Variants in ANKS1B observed in about 807,000 individuals in gnomAD.
ANKS1B encodes the protein ankyrin repeat and sterile alpha motif domain-containing protein 1B.
In ANKS1B, 36 loss-of-function variants were observed where a neutral mutation model predicts 148.3. The ratio of observed to expected loss-of-function variants is 0.24; its 90% CI spans 0.19 to 0.32. The LOEUF (loss-of-function observed/expected upper bound fraction) is 0.32, where lower values mean the gene tolerates loss of function less well. Ranked by LOEUF, ANKS1B falls within the 10% of genes least tolerant of loss-of-function variation. The pLI, the probability that ANKS1B is intolerant of heterozygous loss-of-function variation, is 1.00. For synonymous variants in ANKS1B, 542 were observed against 560.8 expected (o/e 0.97, Z 0.47); for missense variants, 1,157 against 1,542.6 (o/e 0.75, Z 4.19).
chr12:98,826,148 T>A (rs1214897945), intron 19 of ANKS1B, among the ~76,000 whole-genome samples: 1 of 152,236 alleles, frequency 6.6e-6, no homozygotes, highest in East Asian at 1.9e-4. Flanking sequence ...TGTATTTATA[T>A]CATTACATTC....
chr12:99,573,634 C>T (rs1014423690), intron 9 of ANKS1B, among the ~76,000 whole-genome samples: 2 of 151,978 alleles, frequency 1.3e-5, no homozygotes, highest in African/African-American at 4.8e-5. Context: ...TTTATGATGA[C>T]TATTTCAGAC....
chr12:99,831,349 G>A (rs904800295), intron 1 of ANKS1B, among the ~76,000 whole-genome samples: 2 of 151,980 alleles, frequency 1.3e-5, no homozygotes, highest in Non-Finnish European at 2.9e-5. Flanking sequence ...TGGTGAAAAT[G>A]TAAATTGGTA....
At chr12:98,955,904 T>C (rs916876887) in intron 17 of ANKS1B, among the ~76,000 whole-genome samples, 3 of 152,226 alleles carry the variant, frequency 2.0e-5, no homozygotes, top group African/African-American at 7.2e-5. Flanking sequence ...CTTAATCAAG[T>C]GTTTAACTCC....
chr12:99,085,478 A>AT (rs1382702184), intron 15 of ANKS1B, among the ~76,000 whole-genome samples: 1 of 152,162 alleles, frequency 6.6e-6, no homozygotes, highest in African/African-American at 2.4e-5. Flanking sequence ...TGAATGAATC[A>AT]TTTTTCCCCC....
intron 12 of ANKS1B, among the ~76,000 whole-genome samples, chr12:99,358,121 T>C (rs2092179552): frequency 6.6e-6 from 1 of 152,124 alleles, no homozygotes; most frequent in Admixed American, 6.6e-5. Flanking sequence ...TTAATTTTTA[T>C]ATAGGTTAAC....
intron 9 of ANKS1B, among the ~76,000 whole-genome samples, chr12:99,636,176 TTC>T (rs1672782741): frequency 6.6e-6 from 1 of 152,148 alleles, no homozygotes; most frequent in South Asian, 2.1e-4. Context: ...GAATATAGAA[TTC>T]TGTTTGGTCT....
intron 14 of ANKS1B, among the ~76,000 whole-genome samples, chr12:99,241,057 T>C (rs775156575): frequency 9.2e-5 from 14 of 151,880 alleles, no homozygotes; most frequent in African/African-American, 1.7e-4. Flanking sequence ...CAGAGCAGAA[T>C]TGAAGGAGAT....
intron 4 of ANKS1B, 28 bp downstream of exon 4, chr12:99,806,376 T>C: frequency 6.2e-7 from 1 of 1,609,622 alleles, no homozygotes; most frequent in Non-Finnish European, 8.5e-7. Flanking sequence ...CATCATCACT[T>C]TTAAAGCATA....
chr12:99,408,838 G>C lies in ANKS1B; in HGVS notation c.1576-9027C>G, dbSNP rs1019060651. Reference sequence around the variant, plus strand: ...CAGTTAAAATGGCTTTTATCCAAAAGACAGGCAACGACAAATGCTGGCAAG... The same window carrying C: ...CAGTTAAAATGGCTTTTATCCAAAACACAGGCAACGACAAATGCTGGCAAG... On this transcript the variant is annotated intron_variant, in intron 11 of 26. Transcript: ENST00000683438. Among the ~76,000 whole-genome samples the C allele has an allele frequency of 1.2e-4, 18 of 145,626 alleles. 1 individual carries two copies. The highest frequency in any genetic ancestry group is 3.9e-4 in the African/African-American group (15 of 38,278).
chr12:99,330,270 C>T (rs2087248826), intron 12 of ANKS1B, among the ~76,000 whole-genome samples: 1 of 151,930 alleles, frequency 6.6e-6, no homozygotes, highest in Non-Finnish European at 1.5e-5. Flanking sequence ...GAGTTAATGT[C>T]TTATTTCTAA....
chr12:99,942,810 T>G (rs1420861744), intron 1 of ANKS1B, among the ~76,000 whole-genome samples: 1 of 151,958 alleles, frequency 6.6e-6, no homozygotes, highest in African/African-American at 2.4e-5. Context: ...AAAGGAAGAA[T>G]ACAGTGGACA....
chr12:99,310,089 T>C (rs953636155), intron 12 of ANKS1B, among the ~76,000 whole-genome samples: 9 of 152,204 alleles, frequency 5.9e-5, no homozygotes, highest in African/African-American at 2.2e-4. Flanking sequence ...ATCATGGATC[T>C]GATTTAAGAG....
At chr12:99,935,488 C>T (rs988560367) in intron 1 of ANKS1B, among the ~76,000 whole-genome samples, 1 of 152,062 alleles carries the variant, frequency 6.6e-6, no homozygotes, top group Non-Finnish European at 1.5e-5. Flanking sequence ...TCAAAATGTC[C>T]ACCAAGACTA....
At chr12:99,535,124 C>CA (rs1450176310) in intron 9 of ANKS1B, among the ~76,000 whole-genome samples, 1 of 152,150 alleles carries the variant, frequency 6.6e-6, no homozygotes, top group Non-Finnish European at 1.5e-5. Context: ...TGTGTACCTG[C>CA]AAAAAGCTTA....
intron 12 of ANKS1B, among the ~76,000 whole-genome samples, chr12:99,355,448 C>T (rs929699883): frequency 6.6e-6 from 1 of 152,040 alleles, no homozygotes. Flanking sequence ...TATTTTAATG[C>T]CTTTTTAGTT....
At chr12:98,880,845 C>T (rs189799119) in intron 17 of ANKS1B, among the ~76,000 whole-genome samples, 76 of 152,046 alleles carry the variant, frequency 5.0e-4, no homozygotes, top group Admixed American at 3.3e-3. Context: ...TCCTAAAAAG[C>T]TTTGTATAAA....
At chr12:99,323,037 C>T (rs895088598) in intron 12 of ANKS1B, among the ~76,000 whole-genome samples, 27 of 152,092 alleles carry the variant, frequency 1.8e-4, no homozygotes, top group African/African-American at 6.5e-4. Flanking sequence ...TACCCAGTCT[C>T]GGGTATGTCT....
In ANKS1B at chr12:99,552,883, A is replaced by C. The variant is rs537999903; in HGVS notation, c.1273-48242T>G. On this transcript the variant is annotated intron_variant, in intron 9 of 26. Transcript: ENST00000683438. ...ATGCCATGTAACTAGTTGTTATACTATATTGTTTAGGGAATAATTATGAGA... is the reference window on the plus strand; with the variant it reads ...ATGCCATGTAACTAGTTGTTATACTCTATTGTTTAGGGAATAATTATGAGA... Among the ~76,000 whole-genome samples, 475 of 152,304 alleles carry C rather than the reference A, an allele frequency of 3.1e-3. 1 individual carries two copies. The highest frequency in any genetic ancestry group is 0.01 in the Middle Eastern group (3 of 294).
At chr12:99,744,188 G>A (rs1358324884) in intron 8 of ANKS1B, among the ~76,000 whole-genome samples, 4 of 152,124 alleles carry the variant, frequency 2.6e-5, no homozygotes, top group Non-Finnish European at 5.9e-5. Flanking sequence ...AGGGAGAAAT[G>A]AAGGGGAAAG....
Sources: allele counts gnomAD v4.1 joint callset (sites outside exome capture counted in the v4.1 genomes callset), GRCh38; gene constraint gnomAD v4.1.1; transcripts MANE v1.5; gene names NCBI Gene and HGNC (gene_info 2026-07-23, HGNC 2026-07-21).